ABCB5: variants seen among roughly 807,000 people sequenced by gnomAD.
ABCB5 encodes the protein ATP binding cassette subfamily B member 5.
ABCB5 carries 155 observed loss-of-function variants against 144.2 expected under a neutral mutation model. The ratio of observed to expected loss-of-function variants is 1.08; its 90% CI spans 0.94 to 1.23. The LOEUF (loss-of-function observed/expected upper bound fraction) is 1.23. Among genes scored for constraint, ABCB5 ranks in the 50% most tolerant of loss-of-function variants. The probability of loss-of-function intolerance (pLI) is 0.00; values close to 1 mark genes in which losing one functional copy is unlikely to be tolerated. For missense variants in ABCB5, 1,830 were observed against 1,520.8 expected, an observed-to-expected ratio of 1.20 and a Z score of -3.38; for synonymous variants, 610 against 528.6, an observed-to-expected ratio of 1.15 and a Z score of -2.11.
chr7:20,644,363 G>A (rs1028297757), intron 7 of ABCB5, among the ~76,000 whole-genome samples: 7 of 152,126 alleles, frequency 4.6e-5, no homozygotes, highest in Admixed American at 3.9e-4. Flanking sequence ...GCAGGCCAGT[G>A]AGCCACCGCA....
intron 5 of ABCB5, among the ~76,000 whole-genome samples, chr7:20,642,769 G>C (rs184244581): frequency 3.3e-5 from 5 of 152,110 alleles, no homozygotes; most frequent in African/African-American, 1.2e-4. Flanking sequence ...TTACCTTAGG[G>C]TGAATTCCTT....
rs749280781 is a variant in ABCB5, at chr7:20,650,074, T to A, written c.1259T>A (p.Val420Asp). The A allele has an allele frequency of 6.2e-7, 1 of 1,613,636 alleles. No homozygotes were observed. The highest frequency in any genetic ancestry group is 2.2e-5 in the East Asian group (1 of 44,890). Residue 420 changes from valine to aspartate, a missense_variant, in exon 12 of 28, where the codon GTC becomes GAC. By Grantham distance (152) the Val-to-Asp change is radical (BLOSUM62 -3). Transcript: ENST00000404938. ...AAGTCTGGAGAGACAGTCGCCTTGGTCGGTCTCAATGGCAGTGGGAAGAGT... is the reference window on the plus strand; with the variant it reads ...AAGTCTGGAGAGACAGTCGCCTTGGACGGTCTCAATGGCAGTGGGAAGAGT... ...RIKSGETVAL[V>D]GLNGSGKSTV...
chr7:20,709,612 G>A (rs1786943597), intron 20 of ABCB5, among the ~76,000 whole-genome samples: 1 of 149,966 alleles, frequency 6.7e-6, no homozygotes, highest in Non-Finnish European at 1.5e-5. Flanking sequence ...AGGATAAAGT[G>A]TAACAGTACA....
chr7:20,647,970 A>G lies in ABCB5; in HGVS notation c.1098A>G (p.Lys366=), dbSNP rs1784461276. 1.3e-6 allele frequency: 2 copies of G among 1,574,140 alleles called. No individual in the cohort carries two copies. The highest frequency in any genetic ancestry group is 1.7e-6 in the Non-Finnish European group (2 of 1,144,382). Residue 366 remains lysine (K), a splice_region_variant and synonymous_variant, in exon 11 of 28, where the codon AAA becomes AAG. Transcript: ENST00000404938. ...AFHIFQVIDK[K]PSIDNFSTAG... ...AACATTTCCTTTGTTTTTCCAAGAAACCCAGTATAGATAACTTTTCCACAG... is the reference window on the plus strand; with the variant it reads ...AACATTTCCTTTGTTTTTCCAAGAAGCCCAGTATAGATAACTTTTCCACAG...
At chr7:20,661,534 C>CTCTTTTTTTTTTTTTTTTTTTTT (rs1406657803) in intron 14 of ABCB5, among the ~76,000 whole-genome samples, 2 of 132,388 alleles carry the variant, frequency 1.5e-5, no homozygotes, top group Admixed American at 7.4e-5. Context: ...TCTTTCTTTT[C>CTCTTTTTTTTTTTTTTTTTTTTT]TTTTTCTTTT....
At chr7:20,660,183 T>C (rs1371954620) in intron 14 of ABCB5, 8 of 982,272 alleles carry the variant, frequency 8.1e-6, no homozygotes, top group Non-Finnish European at 9.7e-6. Flanking sequence ...GAAACATCTA[T>C]CAAAAGTGAA....
chr7:20,728,253 T>A, intron 22 of ABCB5, 62 bp from the exon 23 acceptor site: 1 of 1,564,354 alleles, frequency 6.4e-7, no homozygotes, highest in Non-Finnish European at 8.7e-7. Flanking sequence ...TTACTCTACA[T>A]GTATTCAATT....
intron 14 of ABCB5, among the ~76,000 whole-genome samples, chr7:20,662,404 C>T (rs1012429607): frequency 1.3e-5 from 2 of 152,210 alleles, no homozygotes; most frequent in Admixed American, 6.5e-5. Context: ...ATTAAGCTGC[C>T]GGCCACTGGA....
chr7:20,717,827 AATTT>A (rs892080389), intron 20 of ABCB5, among the ~76,000 whole-genome samples: 1 of 145,958 alleles, frequency 6.9e-6, no homozygotes, highest in Non-Finnish European at 1.5e-5. Context: ...CTGTATCTAT[AATTT>A]ATTTATTTAT....
At chr7:20,676,093 A>G (rs933865630) in intron 14 of ABCB5, among the ~76,000 whole-genome samples, 26 of 151,930 alleles carry the variant, frequency 1.7e-4, no homozygotes, top group African/African-American at 6.0e-4. Context: ...TGCAGTCTCT[A>G]TGGAAAACAG....
intron 23 of ABCB5, among the ~76,000 whole-genome samples, chr7:20,736,780 T>A (rs1433674570): frequency 6.6e-6 from 1 of 152,252 alleles, no homozygotes; most frequent in Non-Finnish European, 1.5e-5. Flanking sequence ...TAGCTCACCC[T>A]AGCTAATTGG....
intron 16 of ABCB5, among the ~76,000 whole-genome samples, chr7:20,693,086 A>T (rs1436976371): frequency 6.6e-6 from 1 of 152,184 alleles, no homozygotes; most frequent in Non-Finnish European, 1.5e-5. Flanking sequence ...TCTCAAATGC[A>T]CTTGAAACAT....
At chr7:20,671,570 A>T (rs889102294) in intron 14 of ABCB5, among the ~76,000 whole-genome samples, 5 of 152,222 alleles carry the variant, frequency 3.3e-5, no homozygotes, top group Non-Finnish European at 7.3e-5. Context: ...GAGCAATATC[A>T]TATGTATTCT....
intron 20 of ABCB5, among the ~76,000 whole-genome samples, chr7:20,706,939 TCTTA>T (rs1169649937): frequency 6.6e-6 from 1 of 152,188 alleles, no homozygotes; most frequent in East Asian, 1.9e-4. Context: ...TTATAAAAAT[TCTTA>T]CTTTGCCATA....
intron 14 of ABCB5, among the ~76,000 whole-genome samples, chr7:20,668,590 T>TGGG (rs560542131): frequency 7.1e-4 from 79 of 110,784 alleles, no homozygotes; most frequent in Admixed American, 2.3e-3. Flanking sequence ...GGGAGGGAGG[T>TGGG]GGGGGGGGGG....
In ABCB5 at chr7:20,658,506, A is replaced by G; in HGVS notation, c.1537A>G (p.Lys513Glu). Reference protein sequence around the residue: ...AYDFIMEFPNKFNTLVGEKGA... With the variant: ...AYDFIMEFPNEFNTLVGEKGA... ...GTGCTTCTTTCCTATTTTTCATTAG[A>G]AATTTAATACATTGGTAGGGGAAAA... is the stretch of plus-strand genomic sequence containing the variant. The change falls in exon 14 of 28, where the codon AAA becomes GAA. Residue 513 changes from lysine to glutamate, a missense_variant and splice_region_variant. Coordinates refer to ENST00000404938, the MANE Select transcript of ABCB5 (RefSeq NM_001163941.2). The G allele has an allele frequency of 6.2e-7, 1 of 1,610,920 alleles. No homozygotes were observed. The highest frequency in any genetic ancestry group is 8.5e-7 in the Non-Finnish European group (1 of 1,178,798).
At chr7:20,672,616 T>C (rs931817860) in intron 14 of ABCB5, among the ~76,000 whole-genome samples, 12 of 152,306 alleles carry the variant, frequency 7.9e-5, no homozygotes, top group African/African-American at 2.9e-4. Flanking sequence ...AAATTTAAGG[T>C]CACAAAGACT....
chr7:20,664,432 G>C (rs986107202), intron 14 of ABCB5, among the ~76,000 whole-genome samples: 1 of 151,974 alleles, frequency 6.6e-6, no homozygotes, highest in Non-Finnish European at 1.5e-5. Flanking sequence ...ACATTCCAAG[G>C]TTTTAAAGAA....
At chr7:20,663,182 G>A (rs375177434) in intron 14 of ABCB5, among the ~76,000 whole-genome samples, 19 of 152,240 alleles carry the variant, frequency 1.2e-4, no homozygotes, top group East Asian at 3.9e-4. Context: ...AGCTAAAACC[G>A]ATTCCAGATC....
Sources: allele counts gnomAD v4.1 joint callset (sites outside exome capture counted in the v4.1 genomes callset), GRCh38; gene constraint gnomAD v4.1.1; transcripts MANE v1.5; gene names NCBI Gene and HGNC (gene_info 2026-07-23, HGNC 2026-07-21).